KLF13: variants seen among roughly 807,000 people sequenced by gnomAD.
The protein encoded by KLF13 is KLF transcription factor 13.
In KLF13, 8 loss-of-function variants were observed where a neutral mutation model predicts 16.7. That is an observed-to-expected ratio of 0.48 (90% CI 0.28 to 0.87). KLF13 has a LOEUF of 0.87. Ranked by LOEUF, KLF13 falls within the 40% of genes least tolerant of loss-of-function variation. The probability of loss-of-function intolerance (pLI) is 0.10; values close to 1 mark genes in which losing one functional copy is unlikely to be tolerated. For synonymous variants in KLF13, 245 were observed against 208.4 expected, an observed-to-expected ratio of 1.18 and a Z score of -1.51; for missense variants, 447 against 452.2, an observed-to-expected ratio of 0.99 and a Z score of 0.10.
intron 1 of KLF13, among the ~76,000 whole-genome samples, chr15:31,337,537 G>C (rs940488907): frequency 6.6e-6 from 1 of 152,134 alleles, no homozygotes; most frequent in Non-Finnish European, 1.5e-5. Context: ...AGGCAGTTTC[G>C]TCCTTATGTG....
chr15:31,404,932 G>C (rs936944628), downstream of KLF13, among the ~76,000 whole-genome samples: 2 of 152,158 alleles, frequency 1.3e-5, no homozygotes, highest in Non-Finnish European at 2.9e-5. Context: ...GAACAGTGGG[G>C]GGAGCTCTTT....
chr15:31,344,336 C>T (rs1219764502), intron 1 of KLF13, among the ~76,000 whole-genome samples: 1 of 152,238 alleles, frequency 6.6e-6, no homozygotes, highest in Non-Finnish European at 1.5e-5. Context: ...CTTCACCTGC[C>T]TTTTAAGCCA....
upstream of KLF13, among the ~76,000 whole-genome samples, chr15:31,388,752 G>A (rs183356630): frequency 1.6e-3 from 178 of 112,406 alleles, 2 homozygotes; most frequent in African/African-American, 5.2e-3. Flanking sequence ...ATACGAACAA[G>A]GTTAAAAAAT....
intron 1 of KLF13, among the ~76,000 whole-genome samples, chr15:31,434,872 C>T (rs772939185): frequency 4.6e-5 from 7 of 152,216 alleles, no homozygotes; most frequent in African/African-American, 1.2e-4. Flanking sequence ...GCCCACTGGG[C>T]GCCTTCCTGC....
intron 1 of KLF13, among the ~76,000 whole-genome samples, chr15:31,414,860 A>G (rs963201209): frequency 5.3e-5 from 8 of 152,188 alleles, no homozygotes; most frequent in African/African-American, 1.4e-4. Flanking sequence ...ACAGACAACT[A>G]TAGAACATGC....
At chr15:31,334,671 G>A (rs890918557) in intron 1 of KLF13, among the ~76,000 whole-genome samples, 1 of 152,064 alleles carries the variant, frequency 6.6e-6, no homozygotes, top group Admixed American at 6.5e-5. Flanking sequence ...CAGGTGATCT[G>A]CCCACCTCGG....
At chr15:31,406,351 C>T (rs1025542103), downstream of KLF13, among the ~76,000 whole-genome samples, 3 of 152,172 alleles carry the variant, frequency 2.0e-5, no homozygotes, top group Non-Finnish European at 2.9e-5. Context: ...GCAGCAGGCA[C>T]CTGTAATCCC....
At chr15:31,388,089 G>A (rs531750201), upstream of KLF13, among the ~76,000 whole-genome samples, 12 of 152,368 alleles carry the variant, frequency 7.9e-5, no homozygotes, top group African/African-American at 2.9e-4. Flanking sequence ...TCAGGAAGGA[G>A]TCGAAGTCAT....
chr15:31,402,145 G>C (rs2040046284), intron 2 of KLF13, among the ~76,000 whole-genome samples: 2 of 152,364 alleles, frequency 1.3e-5, no homozygotes, highest in East Asian at 1.9e-4. Flanking sequence ...GGCTGTCAGG[G>C]GGCCCAAAGA....
chr15:31,397,083 C>A (rs2039961512), intron 2 of KLF13, among the ~76,000 whole-genome samples: 2 of 152,180 alleles, frequency 1.3e-5, no homozygotes, highest in Admixed American at 6.5e-5. Flanking sequence ...AGGACACTTT[C>A]CGTCCTCCAG....
downstream of KLF13, among the ~76,000 whole-genome samples, chr15:31,408,145 T>C (rs892330258): frequency 1.3e-5 from 2 of 152,350 alleles, no homozygotes; most frequent in East Asian, 3.9e-4. Context: ...TGTAAAATAG[T>C]TGGTAAAACC....
At chr15:31,403,071 GCT>G (rs2040063779) in intron 2 of KLF13, among the ~76,000 whole-genome samples, 1 of 152,108 alleles carries the variant, frequency 6.6e-6, no homozygotes, top group Non-Finnish European at 1.5e-5. Flanking sequence ...CTTCCCATTT[GCT>G]CTCTCTCTAC....
At chr15:31,371,959 G>A (rs752963304) in intron 1 of KLF13, 51 bp from the exon 2 acceptor site, 2 of 1,532,054 alleles carry the variant, frequency 1.3e-6, no homozygotes, top group Non-Finnish European at 8.8e-7. Flanking sequence ...CAGAGAGGGT[G>A]TGAAGGCGGG....
chr15:31,380,280 G>A (rs1045774272), downstream of KLF13, among the ~76,000 whole-genome samples: 2 of 152,208 alleles, frequency 1.3e-5, no homozygotes, highest in African/African-American at 4.8e-5. Context: ...CAACAAGAGC[G>A]AAACTCTGTC....
At chr15:31,368,200 A>G (rs1396280582) in intron 1 of KLF13, among the ~76,000 whole-genome samples, 2 of 152,174 alleles carry the variant, frequency 1.3e-5, no homozygotes, top group Non-Finnish European at 1.5e-5. Context: ...TTGGGGGACC[A>G]TTATCTGCCC....
chr15:31,330,740 A>G (rs2038814242), intron 1 of KLF13, among the ~76,000 whole-genome samples: 2 of 152,358 alleles, frequency 1.3e-5, no homozygotes, highest in South Asian at 2.1e-4. Context: ...TCTCTGTCAC[A>G]TTTAGGTAAT....
At chr15:31,395,499 T>C (rs1419301617) in intron 2 of KLF13, among the ~76,000 whole-genome samples, 3 of 152,214 alleles carry the variant, frequency 2.0e-5, no homozygotes, top group Non-Finnish European at 4.4e-5. Context: ...TTCATTTCTC[T>C]CGGGTATACA....
chr15:31,417,863 A>G (rs572693138), intron 1 of KLF13, among the ~76,000 whole-genome samples: 1 of 152,334 alleles, frequency 6.6e-6, no homozygotes, highest in South Asian at 2.1e-4. Context: ...ATTCTGTTAC[A>G]GCAGCACAAA....
chr15:31,415,930 T>C (rs1228948972), intron 1 of KLF13, among the ~76,000 whole-genome samples: 11 of 151,744 alleles, frequency 7.2e-5, no homozygotes, highest in Admixed American at 2.6e-4. Context: ...AGCTTCTAGG[T>C]TGAACAAGAA....
Sources: gnomAD v4.1 joint callset for allele counts (sites outside exome capture counted in the v4.1 genomes callset) on GRCh38, gnomAD v4.1.1 for gene constraint, MANE v1.5 for transcripts, NCBI Gene and HGNC (gene_info 2026-07-23, HGNC 2026-07-21) for gene names.